FCHSD2: variants seen among roughly 807,000 people sequenced by gnomAD.
FCHSD2 encodes the protein F-BAR and double SH3 domains protein 2.
A neutral mutation model predicts 108.1 loss-of-function variants in FCHSD2; 38 were observed. The ratio of observed to expected loss-of-function variants is 0.35; its 90% CI spans 0.27 to 0.46. The LOEUF (loss-of-function observed/expected upper bound fraction) is 0.46, where lower values mean the gene tolerates loss of function less well. Ranked by LOEUF, FCHSD2 falls within the 20% of genes least tolerant of loss-of-function variation. The pLI is 1.00. For synonymous variants in FCHSD2, 279 were observed against 314.7 expected, an observed-to-expected ratio of 0.89 and a Z score of 1.20; for missense variants, 751 against 897.8, an observed-to-expected ratio of 0.84 and a Z score of 2.09.
At chr11:73,062,447 T>C (rs923450074) in intron 3 of FCHSD2, among the ~76,000 whole-genome samples, 3 of 152,064 alleles carry the variant, frequency 2.0e-5, no homozygotes, top group African/African-American at 7.2e-5. Context: ...GTTTGACAAA[T>C]TGACAGAAAT....
intron 3 of FCHSD2, among the ~76,000 whole-genome samples, chr11:73,070,791 G>A (rs910822903): frequency 6.6e-6 from 1 of 151,706 alleles, no homozygotes; most frequent in African/African-American, 2.4e-5. Flanking sequence ...ACCTTAGAGC[G>A]TCACCATTCA....
intron 3 of FCHSD2, among the ~76,000 whole-genome samples, chr11:73,044,723 A>C (rs1417599647): frequency 6.6e-6 from 1 of 152,228 alleles, no homozygotes; most frequent in East Asian, 1.9e-4. Context: ...AAAACAGTGC[A>C]CATAGTACAT....
Position 73,055,506 on chromosome 11 carries a change from T to C in FCHSD2, c.165+28189A>G, listed in dbSNP as rs568367513. The stretch of plus-strand genomic sequence containing the variant: ...TCTGATAAGAAATAAGACAAAGTTT[T>C]AAACCTTGAGATACAAGCTAATGAT... On this transcript the variant is annotated intron_variant, in intron 3 of 19. Transcript: ENST00000409418. Among the ~76,000 whole-genome samples the C allele has an allele frequency of 4.6e-5, 7 of 152,310 alleles. No individual in the cohort carries two copies. In the East Asian group the frequency reaches 9.6e-4, roughly 21 times the overall value.
intron 9 of FCHSD2, among the ~76,000 whole-genome samples, chr11:72,907,598 G>GTTTTTTTTTTT (rs200788964): frequency 1.4e-5 from 1 of 72,716 alleles, no homozygotes. Context: ...TAATCACGTG[G>GTTTTTTTTTTT]GTTTTTTTTT....
intron 10 of FCHSD2, among the ~76,000 whole-genome samples, chr11:72,894,803 T>C (rs1420913761): frequency 6.6e-6 from 1 of 152,214 alleles, no homozygotes; most frequent in Non-Finnish European, 1.5e-5. Context: ...AGGTTATTTA[T>C]AGTTTTTTCT....
intron 3 of FCHSD2, among the ~76,000 whole-genome samples, chr11:73,054,222 GAA>G (rs111482231): frequency 2.9e-5 from 4 of 137,460 alleles, no homozygotes; most frequent in Non-Finnish European, 4.8e-5. Flanking sequence ...GTCCTTTGCA[GAA>G]AAAAAAAAAA....
intron 2 of FCHSD2, among the ~76,000 whole-genome samples, chr11:73,098,492 G>T (rs1860143202): frequency 6.6e-6 from 1 of 151,988 alleles, no homozygotes; most frequent in Non-Finnish European, 1.5e-5. Context: ...AATGTTTTAT[G>T]TGTACTTGAG....
intron 11 of FCHSD2, among the ~76,000 whole-genome samples, chr11:72,888,897 C>G (rs1010830597): frequency 6.6e-6 from 1 of 152,202 alleles, no homozygotes; most frequent in African/African-American, 2.4e-5. Flanking sequence ...TCTGGGATTA[C>G]AGGCGTGAGC....
chr11:72,909,162 G>A (rs1855695341), intron 9 of FCHSD2, among the ~76,000 whole-genome samples: 1 of 151,964 alleles, frequency 6.6e-6, no homozygotes, highest in South Asian at 2.1e-4. Flanking sequence ...TTGGCCTGCT[G>A]AGTGTCTGGG....
At chr11:73,028,103 AGGGGCACTGCCTACTGGAG>A (rs1858271596) in intron 3 of FCHSD2, among the ~76,000 whole-genome samples, 1 of 152,192 alleles carries the variant, frequency 6.6e-6, no homozygotes, top group Non-Finnish European at 1.5e-5. Context: ...GAATGCTCAC[AGGGGCACTGCCTACTGGAG>A]GGGTGAGAAG....
At chr11:72,845,935 A>G (rs981567669) in intron 14 of FCHSD2, among the ~76,000 whole-genome samples, 28 of 152,172 alleles carry the variant, frequency 1.8e-4, no homozygotes, top group African/African-American at 6.8e-4. Context: ...GCTATATCCC[A>G]GAGCCTAGAA....
intron 16 of FCHSD2, 84 bp from the exon 17 acceptor site, chr11:72,842,925 T>C: frequency 9.5e-7 from 1 of 1,054,638 alleles, no homozygotes; most frequent in Admixed American, 2.3e-5. Flanking sequence ...ACATGACAAC[T>C]AAAAGAGCAT....
At chr11:73,031,159 T>TA (rs1201673958) in intron 3 of FCHSD2, among the ~76,000 whole-genome samples, 1 of 151,826 alleles carries the variant, frequency 6.6e-6, no homozygotes, top group Non-Finnish European at 1.5e-5. Context: ...ATATGGAATC[T>TA]AAAAAAATAA....
At chr11:73,127,033 C>T (rs1472748301) in intron 2 of FCHSD2, among the ~76,000 whole-genome samples, 4 of 152,180 alleles carry the variant, frequency 2.6e-5, no homozygotes, top group Admixed American at 2.6e-4. Context: ...AAGACTCTGT[C>T]TCAAAAGCAA....
intron 2 of FCHSD2, among the ~76,000 whole-genome samples, chr11:73,110,105 T>C (rs1860445798): frequency 6.6e-6 from 1 of 152,234 alleles, no homozygotes; most frequent in African/African-American, 2.4e-5. Context: ...TTGTGGAGGA[T>C]TTTTGCATCA....
intron 3 of FCHSD2, among the ~76,000 whole-genome samples, chr11:73,078,778 G>C (rs1459515704): frequency 2.6e-5 from 4 of 152,160 alleles, no homozygotes; most frequent in African/African-American, 9.7e-5. Context: ...AAGCACAGTG[G>C]TGCGATCACA....
At chr11:72,925,850 G>A (rs947438648) in intron 8 of FCHSD2, among the ~76,000 whole-genome samples, 4 of 152,164 alleles carry the variant, frequency 2.6e-5, no homozygotes, top group African/African-American at 7.2e-5. Flanking sequence ...AGGTACCACT[G>A]CAGTCGCTCA....
intron 5 of FCHSD2, among the ~76,000 whole-genome samples, chr11:72,999,623 T>C (rs980798225): frequency 2.6e-5 from 4 of 152,042 alleles, no homozygotes; most frequent in East Asian, 3.9e-4. Context: ...CCCGGCCTTA[T>C]CAAACATTCT....
intron 6 of FCHSD2, among the ~76,000 whole-genome samples, chr11:72,987,012 AT>A (rs1453837586): frequency 6.6e-6 from 1 of 152,156 alleles, no homozygotes; most frequent in Non-Finnish European, 1.5e-5. Context: ...CCAAATTCTC[AT>A]TTAAGTGCCA....
Sources: gnomAD v4.1 joint callset for allele counts (sites outside exome capture counted in the v4.1 genomes callset) on GRCh38, gnomAD v4.1.1 for gene constraint, MANE v1.5 for transcripts, NCBI Gene and HGNC (gene_info 2026-07-23, HGNC 2026-07-21) for gene names.